The following SEC14L1 variants were observed in gnomAD, a reference collection of about 807,000 sequenced individuals.
SEC14L1 encodes the protein SEC14-like protein 1.
A neutral mutation model predicts 85.3 loss-of-function variants in SEC14L1; 48 were observed. That is an observed-to-expected ratio of 0.56 (90% confidence interval 0.45 to 0.72). The LOEUF (loss-of-function observed/expected upper bound fraction) is 0.72, where lower values mean the gene tolerates loss of function less well. Among genes scored for constraint, SEC14L1 ranks in the 30% least tolerant of loss-of-function variants. The pLI, the probability that SEC14L1 is intolerant of heterozygous loss-of-function variation, is 0.00. For missense variants in SEC14L1, 682 were observed against 921.4 expected, an observed-to-expected ratio of 0.74 and a Z score of 3.36; for synonymous variants, 391 against 355.5, an observed-to-expected ratio of 1.10 and a Z score of -1.12.
intron 3 of SEC14L1, among the ~76,000 whole-genome samples, chr17:77,181,902 TC>T (rs1470910921): frequency 6.6e-6 from 1 of 152,094 alleles, no homozygotes; most frequent in Non-Finnish European, 1.5e-5. Context: ...TGCCACGTTT[TC>T]TTTCTTTTTT....
chr17:77,209,681 T>C (rs1269360249), intron 14 of SEC14L1, among the ~76,000 whole-genome samples: 2 of 152,234 alleles, frequency 1.3e-5, no homozygotes, highest in African/African-American at 4.8e-5. Context: ...AAACTAGCTG[T>C]GCTTGATCAG....
At chr17:77,204,896 G>A (rs1317691650) in intron 10 of SEC14L1, among the ~76,000 whole-genome samples, 1 of 152,202 alleles carries the variant, frequency 6.6e-6, no homozygotes, top group Non-Finnish European at 1.5e-5. Context: ...TTCTCAGGCT[G>A]CCTTTTCTCT....
intron 3 of SEC14L1, among the ~76,000 whole-genome samples, chr17:77,161,943 T>A (rs1352163733): frequency 1.3e-5 from 2 of 150,920 alleles, no homozygotes; most frequent in Admixed American, 1.3e-4. Context: ...TCTTTTTTTT[T>A]TTTTAAACAA....
chr17:77,170,227 T>C (rs1283785069), intron 3 of SEC14L1, among the ~76,000 whole-genome samples: 1 of 152,148 alleles, frequency 6.6e-6, no homozygotes, highest in Non-Finnish European at 1.5e-5. Flanking sequence ...CAGATTAAAC[T>C]TTCTTTTTTA....
At chr17:77,146,923 A>G (rs1973337061) in intron 3 of SEC14L1, among the ~76,000 whole-genome samples, 1 of 152,230 alleles carries the variant, frequency 6.6e-6, no homozygotes, top group Non-Finnish European at 1.5e-5. Context: ...TCATTGAGGA[A>G]AACTAACAGT....
At position 77,188,073 on chromosome 17, in the gene SEC14L1, GTAAAT is replaced by G. The variant is rs1178309562; in HGVS notation, c.64-2722_64-2718del. Among the ~76,000 whole-genome samples, 6 of 152,240 alleles carry G rather than the reference GTAAAT, an allele frequency of 3.9e-5. No homozygotes were observed. The South Asian group carries it at 8.3e-4, about 21-fold the overall frequency. On this transcript the variant is annotated intron_variant, in intron 3 of 16. Transcript: ENST00000436233. ...GGTAATCTTTGTGGATTGCTACAGA[GTAAAT>G]TAAATTATTTACAAAGAATAATATT...
At chr17:77,102,299 G>A (rs1305050772) in intron 3 of SEC14L1, among the ~76,000 whole-genome samples, 2 of 152,098 alleles carry the variant, frequency 1.3e-5, no homozygotes, top group Admixed American at 6.6e-5. Context: ...CATCCCCTCC[G>A]GAAAACAGTT....
chr17:77,190,705 T>C (rs757868824), intron 3 of SEC14L1, 98 bp from the exon 4 acceptor site: 10 of 1,249,844 alleles, frequency 8.0e-6, no homozygotes, highest in Non-Finnish European at 1.0e-5. Flanking sequence ...CCTGTTGCCG[T>C]GCACCGAGAG....
intron 3 of SEC14L1, among the ~76,000 whole-genome samples, chr17:77,133,351 T>A (rs563312229): frequency 6.6e-6 from 1 of 152,188 alleles, no homozygotes; most frequent in Non-Finnish European, 1.5e-5. Context: ...GGGGCGGGAA[T>A]GTGTCCTGCC....
chr17:77,143,476 C>A, intron 2 of SEC14L1, 91 bp from the exon 3 acceptor site: 2 of 684,688 alleles, frequency 2.9e-6, no homozygotes, highest in Non-Finnish European at 5.1e-6. Context: ...CTCTTTCTGT[C>A]GTTAGAGTGT....
rs553388966 is a variant in SEC14L1 at position 77,212,173 on chromosome 17, T to G, written c.1835T>G (p.Leu612Arg). 1.2e-6 allele frequency: 2 copies of G among 1,613,968 alleles called. No individual in the cohort carries two copies. Among genetic ancestry groups the G allele is most frequent in the Non-Finnish European group, 1.7e-6 (2 of 1,180,050 alleles). ...GACTACAGCATGGTGGAGTCGCCTC[T>G]GATCTGCAAAGAAGGAGAAAGCGTG... ...GRDYSMVESPLICKEGESVQG... is the reference protein window; with the variant it reads ...GRDYSMVESPRICKEGESVQG... Residue 612 changes from leucine (L) to arginine (R), a missense_variant, in exon 15 of 17, where the codon CTG becomes CGG. Physicochemically the swap from Leu to Arg is moderately radical, Grantham distance 102. This residue lies in a region of SEC14L1 where 420 missense variants were observed against 619.5 expected (regional missense o/e 0.68). Coordinates refer to ENST00000436233, the MANE Select transcript of SEC14L1 (RefSeq NM_001143998.2).
At chr17:77,150,190 C>T (rs1250635466) in intron 3 of SEC14L1, among the ~76,000 whole-genome samples, 1 of 152,128 alleles carries the variant, frequency 6.6e-6, no homozygotes, top group Non-Finnish European at 1.5e-5. Flanking sequence ...CTCATGTCTT[C>T]CCATTAAGAC....
At chr17:77,174,204 C>G (rs1974647442) in intron 3 of SEC14L1, among the ~76,000 whole-genome samples, 1 of 152,192 alleles carries the variant, frequency 6.6e-6, no homozygotes, top group African/African-American at 2.4e-5. Context: ...CAGGCATGAG[C>G]CACTGCGCCT....
intron 3 of SEC14L1, among the ~76,000 whole-genome samples, chr17:77,169,645 G>T (rs1291975281): frequency 6.6e-6 from 1 of 152,190 alleles, no homozygotes; most frequent in African/African-American, 2.4e-5. Flanking sequence ...TCGTCATGGG[G>T]TATGGAAAGA....
chr17:77,110,779 G>A (rs929851687), intron 3 of SEC14L1, among the ~76,000 whole-genome samples: 1 of 151,136 alleles, frequency 6.6e-6, no homozygotes. Flanking sequence ...AGCTACTCGG[G>A]AGGCTGAGGC....
At position 77,201,482 on chromosome 17, in the gene SEC14L1, G is replaced by A. The variant is rs532754738; in HGVS notation, c.1009+809G>A. Among the ~76,000 whole-genome samples the A allele has an allele frequency of 5.2e-4, 75 of 144,340 alleles. 1 individual carries two copies. Among genetic ancestry groups the A allele is most frequent in the South Asian group, 2.8e-3 (13 of 4,600 alleles). The allele number at this position is 144,340 out of a possible 152,430, so 94.7% of individuals were successfully genotyped here. On this transcript the variant is annotated intron_variant, in intron 9 of 16. Coordinates refer to ENST00000436233, the MANE Select transcript of SEC14L1 (RefSeq NM_001143998.2). Reference sequence around the variant, plus strand: ...TTTTTTTTTTTTGAGACAGAGTCTCGCTCTGTCCCCAAGGCTGGAGTCCAG... The same window carrying A: ...TTTTTTTTTTTTGAGACAGAGTCTCACTCTGTCCCCAAGGCTGGAGTCCAG...
intron 6 of SEC14L1, 106 bp from the exon 7 acceptor site, chr17:77,194,571 G>T: frequency 3.9e-6 from 3 of 772,102 alleles, no homozygotes; most frequent in South Asian, 1.8e-5. Flanking sequence ...AAAAGATTGT[G>T]AGGCTCACCA....
intron 15 of SEC14L1, 50 bp downstream of exon 15, chr17:77,212,251 G>T: frequency 6.3e-7 from 1 of 1,599,076 alleles, no homozygotes; most frequent in Non-Finnish European, 8.5e-7. Context: ...CACACGGCCA[G>T]GTGATTCTGT....
chr17:77,214,575 C>T lies in SEC14L1; in HGVS notation c.*552C>T, dbSNP rs1006490557. The T allele has an allele frequency of 3.1e-5, 31 of 988,566 alleles. No individual in the cohort carries two copies. Among genetic ancestry groups the T allele is most frequent in the African/African-American group, 2.4e-4 (14 of 57,264 alleles). The allele number at this position is 988,566 out of a possible 1,614,324, so 61.2% of individuals were successfully genotyped here. A position where few individuals can be genotyped will look rare whatever the true frequency, so the allele number is the denominator to read the frequency against. On this transcript the variant is annotated 3_prime_UTR_variant, in exon 17 of 17. Coordinates refer to ENST00000436233, the MANE Select transcript of SEC14L1 (RefSeq NM_001143998.2). The stretch of plus-strand genomic sequence containing the variant: ...CCTCTGAGGATTCAGAGGTTGCCTG[C>T]GGAGTACCTTGTCCCAGGGCCAGAC...
Sources: gnomAD v4.1 joint callset for allele counts (sites outside exome capture counted in the v4.1 genomes callset) on GRCh38, gnomAD v4.1.1 for gene constraint, gnomAD v4.1.1 regional missense constraint, MANE v1.5 for transcripts, NCBI Gene and HGNC (gene_info 2026-07-23, HGNC 2026-07-21) for gene names.